The following PRKCB variants were observed in gnomAD, a reference collection of about 807,000 sequenced individuals.
The protein encoded by PRKCB is protein kinase C beta, also known as protein kinase C beta type.
In PRKCB, 13 loss-of-function variants were observed where a neutral mutation model predicts 81.5. That is an observed-to-expected ratio of 0.16 (90% CI 0.10 to 0.25). PRKCB has a LOEUF of 0.25. Ranked by LOEUF, PRKCB falls within the 10% of genes least tolerant of loss-of-function variation. The pLI, the probability that PRKCB is intolerant of heterozygous loss-of-function variation, is 1.00. For missense variants in PRKCB, 509 were observed against 875.7 expected (o/e 0.58, Z 5.29); for synonymous variants, 335 against 321.4 (o/e 1.04, Z -0.45).
rs749083935 is a variant in PRKCB, at chr16:24,123,818, G to A, written c.919-17G>A. ...CTCAAACCCTGAGCATGTTTTCTGT[G>A]TGCTTCCTTTTTGCAGAGGGCCAAG... On this transcript the variant is annotated splice_polypyrimidine_tract_variant and intron_variant, in intron 8 of 16. Coordinates refer to ENST00000643927, the MANE Select transcript of PRKCB (RefSeq NM_002738.7). 1 of 1,613,294 alleles carries A rather than the reference G, an allele frequency of 6.2e-7. No homozygotes were observed. Among genetic ancestry groups the A allele is most frequent in the South Asian group, 1.1e-5 (1 of 90,948 alleles).
At chr16:24,041,817 C>G (rs778638346) in intron 5 of PRKCB, among the ~76,000 whole-genome samples, 2 of 151,884 alleles carry the variant, frequency 1.3e-5, no homozygotes, top group African/African-American at 2.4e-5. Flanking sequence ...AACCCTGTCT[C>G]TACTAAAAAT....
At chr16:24,113,220 T>C in intron 8 of PRKCB, 151 bp downstream of exon 8, 1 of 570,118 alleles carries the variant, frequency 1.8e-6, no homozygotes, top group Non-Finnish European at 2.9e-6. Context: ...TTTCCTTCTT[T>C]CTCCTTTCTT....
chr16:24,207,292 A>G (rs1968060482), intron 16 of PRKCB, among the ~76,000 whole-genome samples: 1 of 152,236 alleles, frequency 6.6e-6, no homozygotes, highest in South Asian at 2.1e-4. Flanking sequence ...TTCTTCCATG[A>G]TAATTGCTGT....
At chr16:23,845,832 A>G (rs1000711408) in intron 2 of PRKCB, among the ~76,000 whole-genome samples, 1 of 152,142 alleles carries the variant, frequency 6.6e-6, no homozygotes, top group African/African-American at 2.4e-5. Flanking sequence ...CTTTTTGTTT[A>G]GGGTTTACAG....
At chr16:24,134,776 C>G (rs1352593220) in intron 9 of PRKCB, among the ~76,000 whole-genome samples, 1 of 151,526 alleles carries the variant, frequency 6.6e-6, no homozygotes, top group Non-Finnish European at 1.5e-5. Context: ...GCCAGACACA[C>G]TGGCACACAG....
intron 2 of PRKCB, among the ~76,000 whole-genome samples, chr16:23,860,227 G>A (rs1385761477): frequency 6.6e-6 from 1 of 152,144 alleles, no homozygotes; most frequent in Non-Finnish European, 1.5e-5. Context: ...GTGGCACCCT[G>A]GCACTTAGTA....
chr16:23,965,735 C>T (rs1964479531), intron 2 of PRKCB, among the ~76,000 whole-genome samples: 2 of 152,224 alleles, frequency 1.3e-5, no homozygotes, highest in Admixed American at 1.3e-4. Context: ...ACCATCCTGC[C>T]TTCTCCGGGA....
intron 2 of PRKCB, among the ~76,000 whole-genome samples, chr16:23,947,885 C>CTTTTTTTTT (rs3073131): frequency 2.4e-5 from 3 of 124,434 alleles, no homozygotes; most frequent in African/African-American, 3.1e-5. Flanking sequence ...TCTGGAGCCG[C>CTTTTTTTTT]TTTTTTTTTT....
intron 5 of PRKCB, among the ~76,000 whole-genome samples, chr16:24,046,907 A>G (rs530402907): frequency 2.8e-4 from 42 of 152,280 alleles, no homozygotes; most frequent in African/African-American, 1.0e-3. Context: ...GAGAAAACAG[A>G]GCCTTGAAAA....
At position 24,128,342 on chromosome 16, in the gene PRKCB, T is replaced by C. The variant is rs1022211997; in HGVS notation, c.1065+4361T>C. ...GTGAGCCGAGATCGTGCCACTGCACTCCAGCCTGGGTGACAGAGCAAGACA... is the reference window on the plus strand; with the variant it reads ...GTGAGCCGAGATCGTGCCACTGCACCCCAGCCTGGGTGACAGAGCAAGACA... On this transcript the variant is annotated intron_variant, in intron 9 of 16. Transcript: ENST00000643927. Among the ~76,000 whole-genome samples, 5 of 152,120 alleles carry C rather than the reference T, an allele frequency of 3.3e-5. No homozygotes were observed. In the East Asian group the frequency reaches 9.6e-4, roughly 29 times the overall value.
chr16:23,861,233 A>C (rs1248257437), intron 2 of PRKCB, among the ~76,000 whole-genome samples: 2 of 152,000 alleles, frequency 1.3e-5, no homozygotes, highest in African/African-American at 4.8e-5. Flanking sequence ...CAGTGGCACA[A>C]ACACAGCTCA....
Position 23,836,112 on chromosome 16 carries a change from C to A in PRKCB, c.-64C>A, listed in dbSNP as rs1418156922. The A allele has an allele frequency of 4.5e-6, 5 of 1,115,976 alleles. No individual in the cohort carries two copies. The African/African-American group carries it at 5.1e-5, about 11-fold the overall frequency. 69.1% of individuals were successfully genotyped at this position (1,115,976 alleles called of 1,614,324 possible). On this transcript the variant is annotated 5_prime_UTR_variant, in exon 1 of 17. Transcript: ENST00000643927. Reference sequence around the variant, plus strand: ...CGCCGCCTCCCGCGCCTCCCCGGCCCGCAGCCCGCGGTCCCGCGGCCCCGG... The same window carrying A: ...CGCCGCCTCCCGCGCCTCCCCGGCCAGCAGCCCGCGGTCCCGCGGCCCCGG...
At position 23,836,097 on chromosome 16, in the gene PRKCB, C is replaced by T. The variant is rs1256705174; in HGVS notation, c.-79C>T. 1 of 1,024,912 alleles carries T rather than the reference C, an allele frequency of 9.8e-7. No individual in the cohort carries two copies. Among genetic ancestry groups the T allele is most frequent in the African/African-American group, 1.7e-5 (1 of 57,392 alleles). The allele number at this position is 1,024,912 out of a possible 1,614,324, so 63.5% of individuals were successfully genotyped here. A position where few individuals can be genotyped will look rare whatever the true frequency, so the allele number is the denominator to read the frequency against. On this transcript the variant is annotated 5_prime_UTR_variant, in exon 1 of 17. Transcript: ENST00000643927. The stretch of plus-strand genomic sequence containing the variant: ...GGGTGCAGCAGCGGCCGCCGCCTCC[C>T]GCGCCTCCCCGGCCCGCAGCCCGCG...
chr16:24,021,044 T>TTATTTCTTTCTTTC (rs1965367203), intron 3 of PRKCB, among the ~76,000 whole-genome samples: 58 of 78,002 alleles, frequency 7.4e-4, no homozygotes, highest in African/African-American at 3.3e-3. Context: ...TTCTTTCTCT[T>TTATTTCTTTCTTTC]TCTTTCTTTC....
chr16:24,132,864 A>G (rs1389472823), intron 9 of PRKCB, among the ~76,000 whole-genome samples: 2 of 148,122 alleles, frequency 1.4e-5, no homozygotes, highest in Non-Finnish European at 3.0e-5. Flanking sequence ...CACTGCAGCC[A>G]CGAACTCCTT....
chr16:24,024,288 A>G (rs1422480992), intron 3 of PRKCB, among the ~76,000 whole-genome samples: 1 of 152,210 alleles, frequency 6.6e-6, no homozygotes, highest in African/African-American at 2.4e-5. Flanking sequence ...TAGAGAGTAG[A>G]ATGATGGTTA....
At chr16:24,171,130 A>G (rs1431978019) in intron 10 of PRKCB, among the ~76,000 whole-genome samples, 2 of 152,204 alleles carry the variant, frequency 1.3e-5, no homozygotes, top group African/African-American at 4.8e-5. Flanking sequence ...TCTGTGGGGC[A>G]GGAATTTGGG....
rs150803643 is a variant in PRKCB, at chr16:24,015,801, A to G, written c.289-16335A>G. ...TAGACTGACATAGGGAAGGTACTCA[A>G]CGAATATTTGGTGACTAAATGGTTA... On this transcript the variant is annotated intron_variant, in intron 3 of 16. Transcript: ENST00000643927. Among the ~76,000 whole-genome samples, 562 of 152,338 alleles carry G rather than the reference A, an allele frequency of 3.7e-3. 1 individual carries two copies. The highest frequency in any genetic ancestry group is 5.6e-3 in the Non-Finnish European group (381 of 68,034).
intron 9 of PRKCB, among the ~76,000 whole-genome samples, chr16:24,141,629 A>G (rs1249134692): frequency 5.9e-5 from 9 of 152,344 alleles, no homozygotes; most frequent in East Asian, 5.8e-4. Context: ...GCATGCTAGA[A>G]AAGATGAGTT....
Sources: allele counts gnomAD v4.1 joint callset (sites outside exome capture counted in the v4.1 genomes callset), GRCh38; gene constraint gnomAD v4.1.1; transcripts MANE v1.5; gene names NCBI Gene and HGNC (gene_info 2026-07-23, HGNC 2026-07-21).